Variants in SEPTIN11 observed in about 807,000 individuals in gnomAD.
SEPTIN11 encodes the protein septin-11.
Under a neutral mutation model 51.4 loss-of-function variants are expected in SEPTIN11, and 25 were observed. The ratio of observed to expected loss-of-function variants is 0.49; its 90% CI spans 0.35 to 0.68. The LOEUF (loss-of-function observed/expected upper bound fraction) is 0.68, where lower values mean the gene tolerates loss of function less well. SEPTIN11 is among the 30% of genes least tolerant of loss of function. The pLI is 0.00. For missense variants in SEPTIN11, 381 were observed against 520.8 expected (o/e 0.73, Z 2.61); for synonymous variants, 174 against 184.1 (o/e 0.95, Z 0.44).
intron 1 of SEPTIN11, chr4:76,959,159 G>A: frequency 2.0e-6 from 1 of 494,478 alleles, no homozygotes. Context: ...GCTCTTGATC[G>A]TTTTACCATT....
chr4:77,020,722 A>G, intron 7 of SEPTIN11, 52 bp downstream of exon 7: 2 of 1,535,970 alleles, frequency 1.3e-6, no homozygotes, highest in Non-Finnish European at 1.8e-6. Flanking sequence ...CGAGAGTGGC[A>G]TGGTGGTACA....
intron 1 of SEPTIN11, among the ~76,000 whole-genome samples, chr4:76,961,102 C>T (rs946015281): frequency 6.6e-6 from 1 of 152,166 alleles, no homozygotes; most frequent in Non-Finnish European, 1.5e-5. Flanking sequence ...AGGATCTTGT[C>T]AGGCTCTTTT....
chr4:77,005,115 C>G (rs1724391546), intron 2 of SEPTIN11, among the ~76,000 whole-genome samples: 1 of 152,184 alleles, frequency 6.6e-6, no homozygotes, highest in Non-Finnish European at 1.5e-5. Context: ...TAATTCTTTT[C>G]TACGACATGG....
intron 7 of SEPTIN11, among the ~76,000 whole-genome samples, chr4:77,023,227 CT>C (rs1725848024): frequency 6.6e-6 from 1 of 150,500 alleles, no homozygotes. Context: ...TCCATTTCCC[CT>C]GGCCTGAGTT....
At chr4:76,964,063 T>G (rs1411336607) in intron 1 of SEPTIN11, among the ~76,000 whole-genome samples, 1 of 152,150 alleles carries the variant, frequency 6.6e-6, no homozygotes, top group East Asian at 1.9e-4. Context: ...GTTTGGTTTT[T>G]TGTCCTTGTG....
intron 2 of SEPTIN11, among the ~76,000 whole-genome samples, chr4:77,002,202 TG>T (rs1724167162): frequency 6.6e-6 from 1 of 152,240 alleles, no homozygotes; most frequent in Non-Finnish European, 1.5e-5. Flanking sequence ...AACCCTGTGC[TG>T]TAAGTAGGGC....
chr4:77,032,434 T>C (rs981774003), intron 9 of SEPTIN11, among the ~76,000 whole-genome samples: 3 of 152,222 alleles, frequency 2.0e-5, no homozygotes, highest in African/African-American at 7.2e-5. Flanking sequence ...CATCTAACAC[T>C]AATGGTGATG....
intron 1 of SEPTIN11, among the ~76,000 whole-genome samples, chr4:76,993,302 C>G (rs1723483921): frequency 1.3e-5 from 2 of 151,940 alleles, no homozygotes; most frequent in South Asian, 4.2e-4. Flanking sequence ...ATGGGACAAC[C>G]CAAGAGAAGT....
chr4:77,026,857 A>G (rs771617460), intron 7 of SEPTIN11, among the ~76,000 whole-genome samples: 5 of 152,154 alleles, frequency 3.3e-5, no homozygotes, highest in Non-Finnish European at 5.9e-5. Context: ...AAATTTCATG[A>G]ATTATTTTAT....
In SEPTIN11 at chr4:77,030,895, C is replaced by G. The variant is rs1193959141; in HGVS notation, c.1199C>G (p.Ala400Gly). 2.5e-6 allele frequency: 4 copies of G among 1,613,480 alleles called. No individual in the cohort carries two copies. The highest frequency in any genetic ancestry group is 3.4e-6 in the Non-Finnish European group (4 of 1,179,912). Residue 400 changes from alanine (A) to glycine (G), a missense_variant, in exon 9 of 10, where the codon GCA (alanine) becomes GGA (glycine). This residue lies in a region of SEPTIN11 where 197 missense variants were observed against 313.1 expected (regional missense o/e 0.63). Coordinates refer to ENST00000264893, the MANE Select transcript of SEPTIN11 (RefSeq NM_018243.4). The part of the protein sequence containing the change: ...EEVNNFQKKK[A>G]AAQLLQSQAQ... ...GTGAACAACTTCCAGAAGAAGAAAG[C>G]AGCGGCTCAGTTACTACAGTCCCAG...
intron 1 of SEPTIN11, chr4:76,972,499 C>T (rs998861045): frequency 6.6e-6 from 1 of 152,314 alleles, no homozygotes; most frequent in Admixed American, 6.5e-5. Flanking sequence ...AGCTTGGAAC[C>T]TAAGGCATGA....
Position 77,005,656 on chromosome 4 carries a change from T to A in SEPTIN11, c.198T>A (p.Phe66Leu). ...TLMDTLFNTK[F>L]ESDPATHNEP... ...TGGACACTTTGTTCAACACCAAATT[T>A]GAAAGTGACCCAGCTACTCACAATG... Residue 66 changes from phenylalanine to leucine, a missense_variant, in exon 3 of 10, where the codon TTT (phenylalanine) becomes TTA (leucine). By Grantham distance (22) the Phe-to-Leu change is conservative. Transcript: ENST00000264893. 1 of 1,614,076 alleles carries A rather than the reference T, an allele frequency of 6.2e-7. No individual in the cohort carries two copies. The highest frequency in any genetic ancestry group is 8.5e-7 in the Non-Finnish European group (1 of 1,179,962).
chr4:76,993,969 TA>T (rs1206354089), intron 1 of SEPTIN11, among the ~76,000 whole-genome samples: 1 of 152,184 alleles, frequency 6.6e-6, no homozygotes, highest in East Asian at 1.9e-4. Context: ...CTATAATTAC[TA>T]ACTCTGATTC....
intron 1 of SEPTIN11, among the ~76,000 whole-genome samples, chr4:76,991,147 C>T (rs1723354704): frequency 6.6e-6 from 1 of 152,204 alleles, no homozygotes; most frequent in Admixed American, 6.5e-5. Context: ...ATGATAGTTG[C>T]CTCTTCCTCC....
chr4:76,973,635 C>A (rs746300366), intron 1 of SEPTIN11, among the ~76,000 whole-genome samples: 3 of 152,134 alleles, frequency 2.0e-5, no homozygotes, highest in Admixed American at 1.3e-4. Flanking sequence ...AGCACAGAAA[C>A]CAAAATCTAT....
Position 76,998,977 on chromosome 4 carries a change from A to G in SEPTIN11, c.142+2438A>G, listed in dbSNP as rs1363955077. ...GATCAGAAAGGAGATAGGGCTTGGG[A>G]GAGAGACACACTGGACAGATAAAAA... On this transcript the variant is annotated intron_variant, in intron 2 of 9. Transcript: ENST00000264893. Among the ~76,000 whole-genome samples, 8 of 152,042 alleles carry G rather than the reference A, an allele frequency of 5.3e-5. No individual in the cohort carries two copies. In the East Asian group the frequency reaches 1.2e-3, roughly 22 times the overall value.
intron 8 of SEPTIN11, among the ~76,000 whole-genome samples, chr4:77,029,350 G>C (rs1426699687): frequency 6.6e-6 from 1 of 152,204 alleles, no homozygotes; most frequent in Non-Finnish European, 1.5e-5. Flanking sequence ...GTGTGTGTGT[G>C]TGTGTATGTG....
At chr4:77,011,676 T>C in intron 3 of SEPTIN11, 59 bp from the exon 4 acceptor site, 5 of 1,505,330 alleles carry the variant, frequency 3.3e-6, no homozygotes, top group Non-Finnish European at 4.6e-6. Flanking sequence ...TGATGTTGAA[T>C]GGAGGATTGT....
At chr4:76,954,899 A>G (rs1251670693) in intron 1 of SEPTIN11, among the ~76,000 whole-genome samples, 9 of 152,130 alleles carry the variant, frequency 5.9e-5, no homozygotes. Context: ...GAAAGAGACC[A>G]TATTCTAAAA....
Sources: allele counts gnomAD v4.1 joint callset (sites outside exome capture counted in the v4.1 genomes callset), GRCh38; gene constraint gnomAD v4.1.1; regional missense constraint gnomAD v4.1.1; transcripts MANE v1.5; gene names NCBI Gene and HGNC (gene_info 2026-07-23, HGNC 2026-07-21).